The following LSAMP variants were observed in gnomAD, a reference collection of about 807,000 sequenced individuals.
LSAMP encodes limbic system-associated membrane protein.
In LSAMP, 7 loss-of-function variants were observed where a neutral mutation model predicts 38.6. That is an observed-to-expected ratio of 0.18 (90% CI 0.10 to 0.34). LSAMP has a LOEUF of 0.34. LSAMP is among the 10% of genes least tolerant of loss of function. LSAMP has a pLI of 1.00. For missense variants in LSAMP, 313 were observed against 420.0 expected (o/e 0.75, Z 2.23); for synonymous variants, 154 against 166.8 (o/e 0.92, Z 0.59).
chr3:116,252,929 A>T (rs561859774), intron 1 of LSAMP, among the ~76,000 whole-genome samples: 1 of 152,228 alleles, frequency 6.6e-6, no homozygotes, highest in South Asian at 2.1e-4. Context: ...AGAGAAACCT[A>T]TTTGGTTTAC....
At chr3:116,392,493 G>A (rs1158992282) in intron 1 of LSAMP, among the ~76,000 whole-genome samples, 2 of 152,214 alleles carry the variant, frequency 1.3e-5, no homozygotes, top group Non-Finnish European at 2.9e-5. Flanking sequence ...GCCTCCTCTG[G>A]ACTTAGGGCA....
intron 3 of LSAMP, among the ~76,000 whole-genome samples, chr3:115,930,002 G>GGTTTTTTT (rs1937554601): frequency 1.2e-5 from 1 of 80,292 alleles, no homozygotes; most frequent in African/African-American, 4.8e-5. Flanking sequence ...TTTAGCAGAA[G>GGTTTTTTT]TTTTTTTTTT....
chr3:116,086,541 G>A lies in LSAMP; in HGVS notation c.171C>T (p.Asp57=). The A allele has an allele frequency of 6.2e-7, 1 of 1,614,112 alleles. No homozygotes were observed. Among genetic ancestry groups the A allele is most frequent in the Non-Finnish European group, 8.5e-7 (1 of 1,179,972 alleles). The change falls in exon 2 of 7, where the codon GAC becomes GAT. Residue 57 remains aspartate, a synonymous_variant. Coordinates refer to ENST00000490035, the MANE Select transcript of LSAMP (RefSeq NM_002338.5). ...DTAILRCVVE[D]KNSKVAWLNR... ...TCAACCAGGCCACCTTTGAGTTCTT[G>A]TCTTCTACAACGCACCTGACAGAGC...
At chr3:116,270,036 C>A (rs1576472086) in intron 1 of LSAMP, among the ~76,000 whole-genome samples, 1 of 152,298 alleles carries the variant, frequency 6.6e-6, no homozygotes, top group African/African-American at 2.4e-5. Context: ...AAATTCTAAT[C>A]ATCAACCCTA....
intron 3 of LSAMP, among the ~76,000 whole-genome samples, chr3:115,961,093 A>G (rs1041785891): frequency 4.6e-5 from 7 of 152,218 alleles, no homozygotes; most frequent in African/African-American, 1.2e-4. Flanking sequence ...TGGCATCACC[A>G]AGAGGCAAAT....
At chr3:116,416,277 A>G (rs2049049202) in intron 1 of LSAMP, among the ~76,000 whole-genome samples, 1 of 152,150 alleles carries the variant, frequency 6.6e-6, no homozygotes, top group African/African-American at 2.4e-5. Flanking sequence ...ACACCTACAC[A>G]TGTTTTGTAC....
At chr3:116,289,158 C>G (rs1285095831) in intron 1 of LSAMP, among the ~76,000 whole-genome samples, 1 of 152,090 alleles carries the variant, frequency 6.6e-6, no homozygotes, top group African/African-American at 2.4e-5. Flanking sequence ...CAAAAGAAAA[C>G]ACACCAATTT....
chr3:116,378,032 G>C (rs2048515642), intron 1 of LSAMP, among the ~76,000 whole-genome samples: 1 of 152,014 alleles, frequency 6.6e-6, no homozygotes, highest in South Asian at 2.1e-4. Context: ...GCTTCAGGGA[G>C]CACCTAAACT....
chr3:115,826,956 C>CT (rs67125824), intron 6 of LSAMP, among the ~76,000 whole-genome samples: 16,919 of 133,358 alleles, frequency 0.13, 1,371 homozygotes, highest in African/African-American at 0.22. Context: ...ATCATTCCGT[C>CT]TTTTTTTTTT....
At chr3:116,236,994 G>T (rs923970474) in intron 1 of LSAMP, among the ~76,000 whole-genome samples, 39 of 149,660 alleles carry the variant, frequency 2.6e-4, no homozygotes, top group African/African-American at 9.4e-4. Context: ...ACATACATAG[G>T]TATATTTATA....
intron 1 of LSAMP, among the ~76,000 whole-genome samples, chr3:116,343,588 T>C (rs1383488893): frequency 1.3e-5 from 2 of 152,160 alleles, no homozygotes; most frequent in Non-Finnish European, 2.9e-5. Flanking sequence ...AGATGGTCTG[T>C]ACTGCTGGCC....
chr3:115,824,799 A>G (rs113323353), intron 6 of LSAMP, among the ~76,000 whole-genome samples: 1,917 of 152,102 alleles, frequency 0.013, 47 homozygotes, highest in African/African-American at 0.043. Flanking sequence ...AATAGATTAT[A>G]TATGTCATAT....
At position 115,804,847 on chromosome 3, in the gene LSAMP, A is replaced by G. The variant is rs890203737; in HGVS notation, c.*5470T>C. ...AAAAATGATTCAGTCCCTCACTTGC[A>G]ATATTCAGGATAAATGTGTGGAAAC... On this transcript the variant is annotated 3_prime_UTR_variant, in exon 7 of 7. Coordinates refer to ENST00000490035, the MANE Select transcript of LSAMP (RefSeq NM_002338.5). The G allele has an allele frequency of 2.0e-5, 3 of 152,308 alleles. No individual in the cohort carries two copies. Among genetic ancestry groups the G allele is most frequent in the African/African-American group, 4.8e-5 (2 of 41,586 alleles). 9.4% of individuals were successfully genotyped at this position (152,308 alleles called of 1,614,324 possible).
chr3:116,081,702 T>G (rs576181059), intron 2 of LSAMP, among the ~76,000 whole-genome samples: 145 of 152,286 alleles, frequency 9.5e-4, no homozygotes, highest in Middle Eastern at 3.4e-3. Context: ...AATTATGCAA[T>G]CCTGGCAACT....
chr3:116,005,329 C>T (rs1940125105), intron 3 of LSAMP, among the ~76,000 whole-genome samples: 1 of 152,102 alleles, frequency 6.6e-6, no homozygotes, highest in Non-Finnish European at 1.5e-5. Context: ...CATATGAGGA[C>T]TGTATTTATG....
At chr3:116,103,825 G>A in intron 1 of LSAMP, among the ~76,000 whole-genome samples, 1 of 151,992 alleles carries the variant, frequency 6.6e-6, no homozygotes, top group East Asian at 1.9e-4. Context: ...GTGCAGTAAT[G>A]ATTTGAGTGC....
At chr3:115,983,478 A>G (rs1468785982) in intron 3 of LSAMP, among the ~76,000 whole-genome samples, 1 of 152,150 alleles carries the variant, frequency 6.6e-6, no homozygotes, top group Non-Finnish European at 1.5e-5. Flanking sequence ...CCATGATTGC[A>G]CCACTGCCCT....
chr3:115,876,764 T>A (rs914410683), intron 3 of LSAMP, among the ~76,000 whole-genome samples: 1 of 152,108 alleles, frequency 6.6e-6, no homozygotes, highest in Non-Finnish European at 1.5e-5. Context: ...ATTCTTCTCT[T>A]ATCCATTGTG....
intron 1 of LSAMP, among the ~76,000 whole-genome samples, chr3:116,324,725 T>C (rs919675866): frequency 3.3e-5 from 5 of 152,182 alleles, no homozygotes; most frequent in African/African-American, 1.2e-4. Flanking sequence ...CTAAGAGGAA[T>C]TATTTTTCTC....
Sources: allele counts gnomAD v4.1 joint callset (sites outside exome capture counted in the v4.1 genomes callset), GRCh38; gene constraint gnomAD v4.1.1; transcripts MANE v1.5; gene names NCBI Gene and HGNC (gene_info 2026-07-23, HGNC 2026-07-21).